Variants in RANBP2 observed in about 807,000 individuals in gnomAD.
The protein encoded by RANBP2 is RAN binding protein 2.
In RANBP2, 57 loss-of-function variants were observed where a neutral mutation model predicts 303.6. That is an observed-to-expected ratio of 0.19 (90% CI 0.15 to 0.23). The LOEUF (loss-of-function observed/expected upper bound fraction) is 0.23. Ranked by LOEUF, RANBP2 falls within the 10% of genes least tolerant of loss-of-function variation. RANBP2 has a pLI of 1.00. For missense variants in RANBP2, 3,138 were observed against 3,780.8 expected, an observed-to-expected ratio of 0.83 and a Z score of 4.46; for synonymous variants, 1,167 against 1,301.5, an observed-to-expected ratio of 0.90 and a Z score of 2.23.
chr2:109,651,912 C>T, the RANBP2 span, among the ~76,000 whole-genome samples: 1 of 152,168 alleles, frequency 6.6e-6, no homozygotes, highest in Non-Finnish European at 1.5e-5. Flanking sequence ...ATGGCCCTAG[C>T]AATGAGATGA....
the RANBP2 span, among the ~76,000 whole-genome samples, chr2:109,057,487 G>A: frequency 1.3e-5 from 2 of 152,238 alleles, no homozygotes; most frequent in African/African-American, 4.8e-5. Flanking sequence ...GCAGCGAGCA[G>A]ATTGCGGAGT....
the RANBP2 span, among the ~76,000 whole-genome samples, chr2:109,039,910 C>T: frequency 0.017 from 2,563 of 152,064 alleles, 79 homozygotes; most frequent in African/African-American, 0.059. Context: ...AATGTATTCC[C>T]TTGCAGCTTG....
At chr2:109,685,146 T>A in the RANBP2 span, among the ~76,000 whole-genome samples, 1 of 152,228 alleles carries the variant, frequency 6.6e-6, no homozygotes, top group East Asian at 1.9e-4. Context: ...GTGCTGGGAT[T>A]ACAGGCATGA....
chr2:108,821,242 C>T, the RANBP2 span, among the ~76,000 whole-genome samples: 1 of 152,084 alleles, frequency 6.6e-6, no homozygotes, highest in Non-Finnish European at 1.5e-5. Flanking sequence ...CCTGTAATCC[C>T]AGCTACTTTT....
chr2:109,716,218 AATTTT>A, the RANBP2 span, among the ~76,000 whole-genome samples: 1 of 151,856 alleles, frequency 6.6e-6, no homozygotes, highest in East Asian at 1.9e-4. Flanking sequence ...TATTTTTTTT[AATTTT>A]ATTTACTTAT....
chr2:109,627,631 C>T, the RANBP2 span, among the ~76,000 whole-genome samples: 4 of 152,200 alleles, frequency 2.6e-5, no homozygotes, highest in African/African-American at 9.6e-5. Context: ...ACATCAGCTC[C>T]CCAGAAGCCC....
the RANBP2 span, among the ~76,000 whole-genome samples, chr2:109,261,144 G>A: frequency 3.3e-5 from 5 of 152,140 alleles, no homozygotes; most frequent in African/African-American, 1.2e-4. Flanking sequence ...CTAGCCTTCT[G>A]TTGTGTGGAC....
the RANBP2 span, among the ~76,000 whole-genome samples, chr2:109,240,325 A>C: frequency 6.6e-6 from 1 of 152,134 alleles, no homozygotes; most frequent in Non-Finnish European, 1.5e-5. Flanking sequence ...ATCTTTACTA[A>C]AAATACAAAA....
the RANBP2 span, among the ~76,000 whole-genome samples, chr2:109,309,310 T>G: frequency 6.7e-6 from 1 of 149,070 alleles, no homozygotes. Flanking sequence ...CTTATCAGCT[T>G]AAGGAGATTT....
the RANBP2 span, among the ~76,000 whole-genome samples, chr2:109,657,978 C>A: frequency 1.3e-5 from 2 of 151,756 alleles, no homozygotes; most frequent in Admixed American, 1.3e-4. Context: ...CCTCAGCATC[C>A]CAAAGTGCTG....
At chr2:109,533,969 G>A in the RANBP2 span, among the ~76,000 whole-genome samples, 1 of 152,232 alleles carries the variant, frequency 6.6e-6, no homozygotes, top group Admixed American at 6.5e-5. Flanking sequence ...GGCAGTCAGT[G>A]AGGCCAGACC....
chr2:108,811,241 C>CTT, the RANBP2 span, among the ~76,000 whole-genome samples: 1 of 46,820 alleles, frequency 2.1e-5, no homozygotes, highest in African/African-American at 7.4e-5. Context: ...CTTTCTTTCT[C>CTT]TCTCTCTTTT....
chr2:108,748,701 C>G (rs575113070), intron 8 of RANBP2, among the ~76,000 whole-genome samples: 3 of 152,096 alleles, frequency 2.0e-5, no homozygotes, highest in African/African-American at 7.2e-5. Flanking sequence ...TCTTTTTTCC[C>G]CCTTCTGCTG....
the RANBP2 span, among the ~76,000 whole-genome samples, chr2:109,223,370 C>A: frequency 1.3e-5 from 2 of 152,178 alleles, no homozygotes; most frequent in Non-Finnish European, 2.9e-5. Flanking sequence ...CCCGAAGAAG[C>A]AGGAGTGGCC....
chr2:108,755,458 A>C (rs868247122), intron 17 of RANBP2, among the ~76,000 whole-genome samples, 199 bp downstream of exon 17: 1 of 151,058 alleles, frequency 6.6e-6, no homozygotes, highest in Non-Finnish European at 1.5e-5. Context: ...TGGTATGATC[A>C]CAGCTTACTG....
At chr2:108,860,699 T>C in the RANBP2 span, among the ~76,000 whole-genome samples, 4 of 152,072 alleles carry the variant, frequency 2.6e-5, no homozygotes, top group African/African-American at 9.7e-5. Flanking sequence ...CTAGGTTCCG[T>C]TTGCCAGTAT....
chr2:109,654,860 G>C, the RANBP2 span, among the ~76,000 whole-genome samples: 1 of 151,818 alleles, frequency 6.6e-6, no homozygotes, highest in African/African-American at 2.4e-5. Context: ...TGACCTCTCA[G>C]AGTGCTCTAA....
At chr2:109,143,979 C>G in the RANBP2 span, among the ~76,000 whole-genome samples, 1 of 152,200 alleles carries the variant, frequency 6.6e-6, no homozygotes, top group Non-Finnish European at 1.5e-5. Flanking sequence ...TGATCTCATT[C>G]ATATCCGGAA....
the RANBP2 span, among the ~76,000 whole-genome samples, chr2:109,279,671 C>T: frequency 1.3e-5 from 2 of 152,344 alleles, no homozygotes; most frequent in Middle Eastern, 6.8e-3. Flanking sequence ...TTTTGGAATT[C>T]TGTCATTGGA....
Sources: allele counts gnomAD v4.1 joint callset (sites outside exome capture counted in the v4.1 genomes callset), GRCh38; gene constraint gnomAD v4.1.1; transcripts MANE v1.5; gene names NCBI Gene and HGNC (gene_info 2026-07-23, HGNC 2026-07-21).